The following SLC24A3 variants were observed in gnomAD, a reference collection of about 807,000 sequenced individuals.
The protein encoded by SLC24A3 is solute carrier family 24 member 3.
In SLC24A3, 28 loss-of-function variants were observed where a neutral mutation model predicts 75.8. The ratio of observed to expected loss-of-function variants is 0.37; its 90% CI spans 0.27 to 0.51. SLC24A3 has a LOEUF of 0.51. Among genes scored for constraint, SLC24A3 ranks in the 20% least tolerant of loss-of-function variants. The pLI is 0.94. For missense variants in SLC24A3, 663 were observed against 847.8 expected (o/e 0.78, Z 2.71); for synonymous variants, 372 against 334.1 (o/e 1.11, Z -1.24).
At chr20:19,378,588 C>A (rs886752860) in intron 2 of SLC24A3, among the ~76,000 whole-genome samples, 2 of 152,168 alleles carry the variant, frequency 1.3e-5, no homozygotes, top group Non-Finnish European at 1.5e-5. Flanking sequence ...TGAAGACACC[C>A]TGTGCTGCTG....
At chr20:19,497,531 G>A (rs1465267885) in intron 2 of SLC24A3, among the ~76,000 whole-genome samples, 1 of 150,664 alleles carries the variant, frequency 6.6e-6, no homozygotes, top group African/African-American at 2.5e-5. Context: ...CAGATGCTTG[G>A]TGCAGTCATT....
chr20:19,449,526 A>C (rs1987445421), intron 2 of SLC24A3, among the ~76,000 whole-genome samples: 1 of 152,172 alleles, frequency 6.6e-6, no homozygotes, highest in African/African-American at 2.4e-5. Flanking sequence ...AAAGTTCTCA[A>C]GTCTTGCCAG....
intron 2 of SLC24A3, among the ~76,000 whole-genome samples, chr20:19,382,862 A>C (rs148811234): frequency 1.3e-5 from 2 of 152,198 alleles, no homozygotes; most frequent in East Asian, 3.9e-4. Flanking sequence ...CGATATATTC[A>C]CTCAAGTCTG....
At chr20:19,340,152 T>A (rs766323787) in intron 2 of SLC24A3, among the ~76,000 whole-genome samples, 5 of 152,166 alleles carry the variant, frequency 3.3e-5, no homozygotes, top group Non-Finnish European at 5.9e-5. Context: ...AGAGATAAGG[T>A]TTTTACAGAG....
intron 6 of SLC24A3, among the ~76,000 whole-genome samples, chr20:19,614,139 T>C (rs1030062710): frequency 6.6e-6 from 1 of 152,222 alleles, no homozygotes; most frequent in Non-Finnish European, 1.5e-5. Flanking sequence ...GATTAAGAGC[T>C]TGAGATTTAC....
intron 1 of SLC24A3, among the ~76,000 whole-genome samples, chr20:19,251,671 C>G (rs926128078): frequency 6.6e-6 from 1 of 152,176 alleles, no homozygotes. Context: ...TAATTCAGTC[C>G]TCTGCAGGTT....
intron 3 of SLC24A3, among the ~76,000 whole-genome samples, chr20:19,516,022 G>T (rs927305561): frequency 1.3e-5 from 2 of 152,226 alleles, no homozygotes; most frequent in African/African-American, 2.4e-5. Flanking sequence ...CAGGGACTTG[G>T]TTTTGTACAC....
intron 1 of SLC24A3, among the ~76,000 whole-genome samples, chr20:19,222,492 G>A (rs781743071): frequency 6.6e-6 from 1 of 152,114 alleles, no homozygotes; most frequent in African/African-American, 2.4e-5. Flanking sequence ...TCTCTGTCAG[G>A]GGGTGGTCAG....
chr20:19,719,376 A>T (rs1350967007), intron 16 of SLC24A3, among the ~76,000 whole-genome samples: 3 of 152,132 alleles, frequency 2.0e-5, no homozygotes, highest in Non-Finnish European at 4.4e-5. Flanking sequence ...TAATCCAGGG[A>T]TGGAGTTGGG....
At chr20:19,365,709 G>A (rs1473984112) in intron 2 of SLC24A3, among the ~76,000 whole-genome samples, 2 of 152,106 alleles carry the variant, frequency 1.3e-5, no homozygotes, top group Admixed American at 6.5e-5. Flanking sequence ...CATTTCAATG[G>A]CTATGACTGT....
intron 2 of SLC24A3, among the ~76,000 whole-genome samples, chr20:19,301,389 C>G (rs1363244021): frequency 6.6e-6 from 1 of 152,188 alleles, no homozygotes; most frequent in Non-Finnish European, 1.5e-5. Context: ...ACTCTCAACA[C>G]TCAGAGACTT....
At chr20:19,616,282 C>T (rs1354806810) in intron 6 of SLC24A3, among the ~76,000 whole-genome samples, 1 of 152,208 alleles carries the variant, frequency 6.6e-6, no homozygotes, top group Non-Finnish European at 1.5e-5. Flanking sequence ...CTGACCCAGC[C>T]CAGTGGAGCC....
intron 9 of SLC24A3, 94 bp downstream of exon 9, chr20:19,673,748 G>T (rs1014621986): frequency 4.8e-6 from 5 of 1,048,096 alleles, no homozygotes; most frequent in Non-Finnish European, 7.3e-6. Flanking sequence ...GTATCTGACT[G>T]GTTTTTCAGT....
intron 2 of SLC24A3, among the ~76,000 whole-genome samples, chr20:19,388,444 G>T (rs1300721348): frequency 1.3e-5 from 2 of 152,144 alleles, no homozygotes; most frequent in African/African-American, 4.8e-5. Context: ...TGGTGCGGTG[G>T]CTCACGCCTG....
chr20:19,398,470 A>T (rs940033749), intron 2 of SLC24A3, among the ~76,000 whole-genome samples: 1 of 152,060 alleles, frequency 6.6e-6, no homozygotes, highest in Non-Finnish European at 1.5e-5. Flanking sequence ...TTTCATTTCA[A>T]CTTTTAATTA....
intron 6 of SLC24A3, among the ~76,000 whole-genome samples, chr20:19,641,822 ACCAGGG>A (rs538408281): frequency 7.9e-5 from 12 of 152,236 alleles, no homozygotes; most frequent in African/African-American, 2.9e-4. Context: ...AAAGTTGAAA[ACCAGGG>A]CCTCCCTGAA....
chr20:19,326,105 C>T (rs1011109199), intron 2 of SLC24A3, among the ~76,000 whole-genome samples: 3 of 151,882 alleles, frequency 2.0e-5, no homozygotes, highest in Non-Finnish European at 4.4e-5. Context: ...CTGTATTTCT[C>T]TCTGAGTGTG....
intron 3 of SLC24A3, among the ~76,000 whole-genome samples, chr20:19,557,464 T>A (rs559876885): frequency 3.3e-4 from 51 of 152,318 alleles, no homozygotes; most frequent in Admixed American, 2.0e-3. Context: ...ATTTGCAAGC[T>A]AACCCCTATG....
rs3790278 is a variant in SLC24A3 at position 19,654,088 on chromosome 20, G to A, written c.639G>A (p.Leu213=). Residue 213 remains leucine (L), a synonymous_variant, in exon 7 of 17, where the codon CTG becomes CTA. Coordinates refer to ENST00000328041, the MANE Select transcript of SLC24A3 (RefSeq NM_020689.4). ...GQVVALSSWC[L]LRDSIYYTLS... is the part of the protein sequence containing the mutation. ...TTGTGGCTCTTTCCTCCTGGTGCCTGCTGAGGGATTCTATTTACTACACGC... is the reference window on the plus strand; with the variant it reads ...TTGTGGCTCTTTCCTCCTGGTGCCTACTGAGGGATTCTATTTACTACACGC... 0.62 allele frequency: 1,001,634 copies of A among 1,607,002 alleles called. 318,382 individuals are homozygous for A. The highest frequency in any genetic ancestry group is 0.75 in the African/African-American group (56,061 of 74,718).
Sources: allele counts gnomAD v4.1 joint callset (sites outside exome capture counted in the v4.1 genomes callset), GRCh38; gene constraint gnomAD v4.1.1; transcripts MANE v1.5; gene names NCBI Gene and HGNC (gene_info 2026-07-23, HGNC 2026-07-21).